The following MAP2 variants were observed in gnomAD, a reference collection of about 807,000 sequenced individuals.
MAP2 encodes the protein microtubule associated protein 2.
Under a neutral mutation model 137.6 loss-of-function variants are expected in MAP2, and 14 were observed. The observed-to-expected ratio is 0.10, with a 90% confidence interval of 0.07 to 0.16. MAP2 has a LOEUF of 0.16. MAP2 is among the 10% of genes least tolerant of loss of function. The probability of loss-of-function intolerance (pLI) is 1.00; values close to 1 mark genes in which losing one functional copy is unlikely to be tolerated. For missense variants in MAP2, 2,088 were observed against 2,191.5 expected (o/e 0.95, Z 0.94); for synonymous variants, 786 against 782.3 (o/e 1.00, Z -0.08).
rs1013715075 is a variant in MAP2, at chr2:209,575,324, A to G, written c.-171-4712A>G. On this transcript the variant is annotated intron_variant, in intron 2 of 15. Coordinates refer to ENST00000682079, the MANE Select transcript of MAP2 (RefSeq NM_001375505.1). ...ATCACGAGGTCAGAAGATCGAGACC[A>G]TCCTGGCTAACACAGTGAAACCCCG... Among the ~76,000 whole-genome samples the G allele has an allele frequency of 3.9e-5, 6 of 152,008 alleles. No homozygotes were observed. The South Asian group carries it at 6.2e-4, about 16-fold the overall frequency.
intron 1 of MAP2, among the ~76,000 whole-genome samples, chr2:209,446,286 C>T (rs1340378577): frequency 6.6e-6 from 1 of 151,682 alleles, no homozygotes; most frequent in Non-Finnish European, 1.5e-5. Flanking sequence ...AACAATTTGA[C>T]TGTAGTTATG....
intron 1 of MAP2, among the ~76,000 whole-genome samples, chr2:209,468,701 G>A (rs1045654430): frequency 6.6e-6 from 1 of 152,158 alleles, no homozygotes; most frequent in Non-Finnish European, 1.5e-5. Flanking sequence ...AGCAACATGA[G>A]TTTCATGATT....
Position 209,729,951 on chromosome 2 carries a change from G to A in MAP2, c.5257G>A (p.Gly1753Ser), listed in dbSNP as rs760085265. The A allele has an allele frequency of 6.2e-7, 1 of 1,604,448 alleles. No individual in the cohort carries two copies. The highest frequency in any genetic ancestry group is 1.3e-5 in the African/African-American group (1 of 74,648). ...LDNAHHVPGG[G>S]NVKIDSQKLN... ...TAATGCTCATCATGTACCTGGAGGT[G>A]GTAATGTCAAGGTAAGAAACAAGGT... Residue 1753 changes from glycine (G) to serine (S), a missense_variant, in exon 15 of 16, where the codon GGT (glycine) becomes AGT (serine). By Grantham distance (56) the Gly-to-Ser change is moderately conservative (BLOSUM62 0). Coordinates refer to ENST00000682079, the MANE Select transcript of MAP2 (RefSeq NM_001375505.1).
chr2:209,427,348 AT>A (rs147945960), intron 1 of MAP2, among the ~76,000 whole-genome samples: 10,313 of 152,102 alleles, frequency 0.068, 1,158 homozygotes, highest in African/African-American at 0.23. Context: ...ACAATCTCAA[AT>A]TTTTTTGTCT....
intron 2 of MAP2, among the ~76,000 whole-genome samples, chr2:209,565,011 T>G (rs984035024): frequency 3.3e-5 from 5 of 152,162 alleles, no homozygotes; most frequent in Non-Finnish European, 5.9e-5. Context: ...CTCAGTTGTC[T>G]TGACTCCCAC....
chr2:209,445,309 A>G (rs997302989), intron 1 of MAP2, among the ~76,000 whole-genome samples: 3 of 151,692 alleles, frequency 2.0e-5, no homozygotes, highest in African/African-American at 7.2e-5. Context: ...TGACTCCATG[A>G]TATGCACAAT....
chr2:209,576,186 T>C (rs2075342943), intron 2 of MAP2, among the ~76,000 whole-genome samples: 1 of 152,158 alleles, frequency 6.6e-6, no homozygotes, highest in Non-Finnish European at 1.5e-5. Context: ...GGTGGAGTCA[T>C]AGTATCTCAT....
chr2:209,569,283 G>A (rs2074001508), intron 2 of MAP2, among the ~76,000 whole-genome samples: 2 of 151,832 alleles, frequency 1.3e-5, no homozygotes, highest in East Asian at 1.9e-4. Context: ...GGTAATTTAT[G>A]CTTCTTATAT....
Position 209,427,242 on chromosome 2 carries a change from C to T in MAP2, c.-222+2966C>T, listed in dbSNP as rs558319715. Reference sequence around the variant, plus strand: ...ATAATAGTTACAGTAGAAGATAGCACCACCCCCAGATCAATACTATCCTCC... The same window carrying T: ...ATAATAGTTACAGTAGAAGATAGCATCACCCCCAGATCAATACTATCCTCC... On this transcript the variant is annotated intron_variant, in intron 1 of 15. Coordinates refer to ENST00000682079, the MANE Select transcript of MAP2 (RefSeq NM_001375505.1). Among the ~76,000 whole-genome samples the T allele has an allele frequency of 3.3e-5, 5 of 152,254 alleles. No individual in the cohort carries two copies. In the East Asian group the frequency reaches 9.6e-4, roughly 29 times the overall value.
At chr2:209,458,077 A>AT (rs971377922) in intron 1 of MAP2, among the ~76,000 whole-genome samples, 164 of 148,872 alleles carry the variant, frequency 1.1e-3, no homozygotes, top group Middle Eastern at 7.0e-3. Flanking sequence ...TAAGTAGGTA[A>AT]TTTTTTTTTT....
rs539559736 is a variant in MAP2 at position 209,652,104 on chromosome 2, A to G, written c.-29-1038A>G. Among the ~76,000 whole-genome samples, 16 of 152,290 alleles carry G rather than the reference A, an allele frequency of 1.1e-4. No homozygotes were observed. In the South Asian group the frequency reaches 3.1e-3, roughly 30 times the overall value. On this transcript the variant is annotated intron_variant, in intron 4 of 15. Coordinates refer to ENST00000682079, the MANE Select transcript of MAP2 (RefSeq NM_001375505.1). ...CATCAATAAGGCTGCATGGTGGGCA[A>G]CAGCTTTCCAAAACTGAGTGGTGAA...
At chr2:209,489,148 G>A (rs2058765275) in intron 1 of MAP2, among the ~76,000 whole-genome samples, 1 of 152,166 alleles carries the variant, frequency 6.6e-6, no homozygotes, top group African/African-American at 2.4e-5. Flanking sequence ...CAGGCAAAGA[G>A]GGTCTGGAGT....
At chr2:209,619,467 A>G (rs1218879200) in intron 3 of MAP2, among the ~76,000 whole-genome samples, 1 of 152,124 alleles carries the variant, frequency 6.6e-6, no homozygotes, top group East Asian at 1.9e-4. Flanking sequence ...AGACAAATGA[A>G]CAGATGGCTT....
intron 3 of MAP2, among the ~76,000 whole-genome samples, chr2:209,623,361 T>C (rs957448630): frequency 6.6e-6 from 1 of 152,180 alleles, no homozygotes; most frequent in South Asian, 2.1e-4. Context: ...TTCATTTTTT[T>C]TCTTATTTTT....
At chr2:209,585,597 A>T (rs953654935) in intron 3 of MAP2, among the ~76,000 whole-genome samples, 3 of 152,056 alleles carry the variant, frequency 2.0e-5, no homozygotes, top group Non-Finnish European at 4.4e-5. Context: ...GCCTTTTTTC[A>T]TTCAGCAGTG....
intron 1 of MAP2, among the ~76,000 whole-genome samples, chr2:209,506,895 A>G (rs2150192426): frequency 6.6e-6 from 1 of 152,318 alleles, no homozygotes; most frequent in East Asian, 1.9e-4. Flanking sequence ...ACATAAAAGA[A>G]CAGAAATTTA....
intron 7 of MAP2, among the ~76,000 whole-genome samples, chr2:209,683,092 G>C (rs1263901818): frequency 6.6e-6 from 1 of 152,048 alleles, no homozygotes; most frequent in Non-Finnish European, 1.5e-5. Flanking sequence ...CCATCCATCT[G>C]GGAATTCACC....
intron 1 of MAP2, among the ~76,000 whole-genome samples, chr2:209,496,616 C>T (rs1267016701): frequency 6.6e-6 from 1 of 152,134 alleles, no homozygotes; most frequent in Non-Finnish European, 1.5e-5. Flanking sequence ...TATTATCCTG[C>T]CAGAAACTCA....
At chr2:209,442,989 A>G (rs1698190579) in intron 1 of MAP2, among the ~76,000 whole-genome samples, 1 of 151,588 alleles carries the variant, frequency 6.6e-6, no homozygotes, top group African/African-American at 2.4e-5. Context: ...TTCGCTATTT[A>G]TATGAGCCAG....
Sources: gnomAD v4.1 joint callset for allele counts (sites outside exome capture counted in the v4.1 genomes callset) on GRCh38, gnomAD v4.1.1 for gene constraint, MANE v1.5 for transcripts, NCBI Gene and HGNC (gene_info 2026-07-23, HGNC 2026-07-21) for gene names.